WWP2: variants seen among roughly 807,000 people sequenced by gnomAD.
The protein encoded by WWP2 is WW domain containing E3 ubiquitin protein ligase 2.
A neutral mutation model predicts 121.0 loss-of-function variants in WWP2; 57 were observed. The observed-to-expected ratio is 0.47, with a 90% CI of 0.38 to 0.59. The LOEUF is 0.59. Ranked by LOEUF, WWP2 falls within the 20% of genes least tolerant of loss-of-function variation. The probability of loss-of-function intolerance (pLI) is 0.00; values close to 1 mark genes in which losing one functional copy is unlikely to be tolerated. For missense variants in WWP2, 962 were observed against 1,158.9 expected (o/e 0.83, Z 2.47); for synonymous variants, 449 against 441.3 (o/e 1.02, Z -0.22).
At chr16:69,916,839 A>G (rs1021413779) in intron 9 of WWP2, among the ~76,000 whole-genome samples, 1 of 152,054 alleles carries the variant, frequency 6.6e-6, no homozygotes, top group Admixed American at 6.6e-5. Context: ...CTTGAGGGGA[A>G]ACCATTTTTA....
chr16:69,780,886 G>T (rs2055649989), intron 1 of WWP2, among the ~76,000 whole-genome samples: 1 of 152,038 alleles, frequency 6.6e-6, no homozygotes, highest in South Asian at 2.1e-4. Flanking sequence ...AAATCAGCTG[G>T]ATGTGGTGGC....
chr16:69,860,558 A>G (rs1404740411), intron 6 of WWP2, among the ~76,000 whole-genome samples: 1 of 152,232 alleles, frequency 6.6e-6, no homozygotes, highest in Non-Finnish European at 1.5e-5. Flanking sequence ...AAGTCCAGGA[A>G]GAGAATGCCG....
chr16:69,778,190 A>T (rs1002703874), intron 1 of WWP2, among the ~76,000 whole-genome samples: 4,062 of 103,594 alleles, frequency 0.039, 235 homozygotes, highest in African/African-American at 0.14. Flanking sequence ...ATATATATAT[A>T]TATTTTTTTT....
intron 6 of WWP2, among the ~76,000 whole-genome samples, chr16:69,853,134 A>G (rs1241650890): frequency 1.3e-5 from 2 of 152,236 alleles, no homozygotes; most frequent in East Asian, 3.8e-4. Flanking sequence ...AAGTAGTCTA[A>G]TGGATGAATT....
intron 8 of WWP2, among the ~76,000 whole-genome samples, chr16:69,891,266 C>T (rs549309270): frequency 3.2e-4 from 48 of 152,248 alleles, no homozygotes; most frequent in African/African-American, 9.9e-4. Context: ...CCAGGCAAGG[C>T]GGGTTATTAA....
chr16:69,848,131 C>T (rs1457493309), intron 6 of WWP2, among the ~76,000 whole-genome samples: 1 of 152,156 alleles, frequency 6.6e-6, no homozygotes, highest in East Asian at 1.9e-4. Flanking sequence ...TAGGGATTAA[C>T]ATAAGGGATC....
At chr16:69,891,804 C>T (rs2058033011) in intron 8 of WWP2, among the ~76,000 whole-genome samples, 2 of 152,182 alleles carry the variant, frequency 1.3e-5, no homozygotes, top group African/African-American at 4.8e-5. Flanking sequence ...TTACCCATCC[C>T]ATCCGGGCTA....
At chr16:69,858,959 C>G (rs1219780151) in intron 6 of WWP2, among the ~76,000 whole-genome samples, 2 of 152,192 alleles carry the variant, frequency 1.3e-5, no homozygotes, top group Non-Finnish European at 2.9e-5. Context: ...ATGAGGGCTG[C>G]TGAACTAGAC....
intron 8 of WWP2, among the ~76,000 whole-genome samples, chr16:69,890,605 T>C (rs2058009165): frequency 6.6e-6 from 1 of 152,194 alleles, no homozygotes; most frequent in African/African-American, 2.4e-5. Context: ...GTGTCCCCAG[T>C]GAGCTGTTTG....
intron 9 of WWP2, among the ~76,000 whole-genome samples, chr16:69,915,086 G>A (rs1009621368): frequency 2.0e-5 from 3 of 152,238 alleles, no homozygotes; most frequent in Non-Finnish European, 4.4e-5. Flanking sequence ...TCAGATGAGG[G>A]AGAGATGTGG....
chr16:69,869,323 G>A (rs78235002), intron 6 of WWP2, among the ~76,000 whole-genome samples: 6,269 of 151,364 alleles, frequency 0.041, 456 homozygotes, highest in African/African-American at 0.14. Context: ...GGACTCCAGA[G>A]TTTGCTACGT....
chr16:69,930,061 C>G, intron 12 of WWP2, 69 bp from the exon 13 acceptor site: 1 of 1,605,206 alleles, frequency 6.2e-7, no homozygotes, highest in Non-Finnish European at 8.5e-7. Flanking sequence ...ACTTTGAGGA[C>G]CCAGCCTCCA....
At chr16:69,769,329 A>C (rs1254680181) in intron 1 of WWP2, among the ~76,000 whole-genome samples, 1 of 151,936 alleles carries the variant, frequency 6.6e-6, no homozygotes, top group Non-Finnish European at 1.5e-5. Context: ...AAAAAAAAAA[A>C]AAAAAAAAAT....
chr16:69,878,778 T>C (rs2057776815), intron 7 of WWP2, among the ~76,000 whole-genome samples: 1 of 152,224 alleles, frequency 6.6e-6, no homozygotes, highest in African/African-American at 2.4e-5. Flanking sequence ...AATTCTTGTG[T>C]ATTTCCCTGT....
intron 16 of WWP2, among the ~76,000 whole-genome samples, chr16:69,932,913 G>A (rs989538247): frequency 2.6e-5 from 4 of 152,204 alleles, no homozygotes; most frequent in African/African-American, 7.2e-5. Flanking sequence ...GACCTCTCCC[G>A]GTGTGGGCAT....
At chr16:69,936,282 A>G (rs1247241659) in intron 18 of WWP2, 30 bp from the exon 19 acceptor site, 3 of 1,613,662 alleles carry the variant, frequency 1.9e-6, no homozygotes, top group African/African-American at 2.7e-5. Context: ...CACGGTAGAC[A>G]TCTCCCCACT....
At chr16:69,887,615 A>G (rs1171896552) in intron 7 of WWP2, among the ~76,000 whole-genome samples, 1 of 152,184 alleles carries the variant, frequency 6.6e-6, no homozygotes, top group African/African-American at 2.4e-5. Flanking sequence ...CATGTTGGCC[A>G]GGTGGATCTC....
chr16:69,869,975 C>T (rs1320099466), intron 6 of WWP2, among the ~76,000 whole-genome samples: 1 of 152,048 alleles, frequency 6.6e-6, no homozygotes, highest in Non-Finnish European at 1.5e-5. Context: ...TCCAAATGAC[C>T]AACAAAAAAA....
intron 6 of WWP2, among the ~76,000 whole-genome samples, chr16:69,865,854 A>T (rs2057511230): frequency 6.6e-6 from 1 of 152,232 alleles, no homozygotes; most frequent in Non-Finnish European, 1.5e-5. Context: ...ACCACACCAT[A>T]GTCAGTGGCC....
Sources: gnomAD v4.1 joint callset for allele counts (sites outside exome capture counted in the v4.1 genomes callset) on GRCh38, gnomAD v4.1.1 for gene constraint, MANE v1.5 for transcripts, NCBI Gene and HGNC (gene_info 2026-07-23, HGNC 2026-07-21) for gene names.